The following GFPT2 variants were observed in gnomAD, a reference collection of about 807,000 sequenced individuals.
GFPT2 encodes the protein glutamine--fructose-6-phosphate aminotransferase [isomerizing] 2.
A neutral mutation model predicts 85.6 loss-of-function variants in GFPT2; 62 were observed. That is an observed-to-expected ratio of 0.72 (90% CI 0.59 to 0.90). The LOEUF (loss-of-function observed/expected upper bound fraction) is 0.90. Ranked by LOEUF, GFPT2 falls within the 40% of genes least tolerant of loss-of-function variation. The pLI is 0.00. For synonymous variants in GFPT2, 368 were observed against 344.5 expected, an observed-to-expected ratio of 1.07 and a Z score of -0.75; for missense variants, 788 against 893.4, an observed-to-expected ratio of 0.88 and a Z score of 1.50.
intron 2 of GFPT2, 51 bp from the exon 3 acceptor site, chr5:180,336,628 C>A (rs776830315): frequency 8.2e-7 from 1 of 1,214,158 alleles, no homozygotes; most frequent in Non-Finnish European, 1.2e-6. Flanking sequence ...TTTTCTCACA[C>A]ACTTGGCACA....
At chr5:180,337,131 T>C (rs1764418015) in intron 2 of GFPT2, among the ~76,000 whole-genome samples, 2 of 152,208 alleles carry the variant, frequency 1.3e-5, no homozygotes, top group Non-Finnish European at 2.9e-5. Flanking sequence ...AGCGGAGCAT[T>C]GTGTAGCCAC....
intron 1 of GFPT2, among the ~76,000 whole-genome samples, chr5:180,346,275 C>A (rs746201704): frequency 6.6e-6 from 1 of 152,138 alleles, no homozygotes; most frequent in Non-Finnish European, 1.5e-5. Flanking sequence ...CCACTTCTAC[C>A]CCCACCTCCC....
At chr5:180,343,272 G>A (rs1291577846) in intron 1 of GFPT2, among the ~76,000 whole-genome samples, 2 of 152,160 alleles carry the variant, frequency 1.3e-5, no homozygotes. Context: ...CTTCACTCCT[G>A]CACACGTCAG....
chr5:180,336,701 G>A, intron 2 of GFPT2, 124 bp from the exon 3 acceptor site: 1 of 727,696 alleles, frequency 1.4e-6, no homozygotes, highest in South Asian at 1.5e-5. Context: ...TTGGAGAGCT[G>A]TACAGTTTTC....
At position 180,330,224 on chromosome 5, in the gene GFPT2, A is replaced by C. The variant is rs1764278207; in HGVS notation, c.534+476T>G. Among the ~76,000 whole-genome samples, 1 of 152,182 alleles carries C rather than the reference A, an allele frequency of 6.6e-6. No individual in the cohort carries two copies. On this transcript the variant is annotated intron_variant, in intron 6 of 18. Coordinates refer to ENST00000253778, the MANE Select transcript of GFPT2 (RefSeq NM_005110.4). This position sits in a 1 kb window ranked among gnomAD's most constrained non-coding sequence, Gnocchi z 4.4. ...TAGTCTCAGCTAACTCAGGAGGCTG[A>C]GGCAGGAGGACTGCCTGAACCTGGG...
intron 1 of GFPT2, chr5:180,352,666 C>T (rs1197900764): frequency 2.3e-6 from 1 of 438,704 alleles, no homozygotes; most frequent in East Asian, 8.5e-5. Flanking sequence ...TTTGGGGTCG[C>T]GAGGAGGACG....
At chr5:180,338,725 T>C (rs918333624) in intron 1 of GFPT2, 125 bp from the exon 2 acceptor site, 17 of 606,782 alleles carry the variant, frequency 2.8e-5, no homozygotes, top group Non-Finnish European at 3.0e-5. Context: ...GAGGTGGGTA[T>C]GCCCCTCCCT....
At chr5:180,315,984 G>A (rs2127649707) in intron 13 of GFPT2, among the ~76,000 whole-genome samples, 1 of 152,368 alleles carries the variant, frequency 6.6e-6, no homozygotes, top group African/African-American at 2.4e-5. Flanking sequence ...AATGTTAAAG[G>A]AGATGCTTTT....
rs576607216 is a variant in GFPT2, at chr5:180,352,896, T to C, written c.7+315A>G. On this transcript the variant is annotated intron_variant, in intron 1 of 18. Transcript: ENST00000253778. ...GGTCGGCATGGGGTGGGGACCCCTC[T>C]GTTACGGGGTCCAGGCCGGACCGGA... is the stretch of plus-strand genomic sequence containing the variant. The C allele has an allele frequency of 6.6e-6, 3 of 451,692 alleles. No homozygotes were observed. The Admixed American group carries it at 1.4e-4, about 21-fold the overall frequency. The allele number at this position is 451,692 out of a possible 1,614,324, so 28.0% of individuals were successfully genotyped here. A position where few individuals can be genotyped will look rare whatever the true frequency, so the allele number is the denominator to read the frequency against.
chr5:180,329,925 T>G (rs1453038022), intron 6 of GFPT2, among the ~76,000 whole-genome samples: 5 of 152,234 alleles, frequency 3.3e-5, no homozygotes, highest in Admixed American at 6.5e-5. Context: ...CAGGGACTTC[T>G]TCTCCCTGGG....
intron 1 of GFPT2, among the ~76,000 whole-genome samples, chr5:180,340,283 G>A (rs1764486723): frequency 2.0e-5 from 3 of 149,874 alleles, no homozygotes; most frequent in Admixed American, 2.0e-4. Flanking sequence ...CTTGGCTCAT[G>A]GCAACCTCCG....
intron 4 of GFPT2, among the ~76,000 whole-genome samples, chr5:180,333,852 T>C (rs1281876457): frequency 1.3e-5 from 2 of 152,176 alleles, no homozygotes; most frequent in African/African-American, 4.8e-5. Flanking sequence ...CCTCCCTGCT[T>C]TGGGGACACA....
In GFPT2 at chr5:180,302,951, C is replaced by T. The variant is rs150956551; in HGVS notation, c.1843-367G>A. The stretch of plus-strand genomic sequence containing the variant: ...CAAGAAATAAAGATGAATTCCAGGC[C>T]GGGCGTGGTGGCTCACGCCTGTAAT... On this transcript the variant is annotated intron_variant, in intron 17 of 18. Transcript: ENST00000253778. 5.1e-3 allele frequency among the ~76,000 whole-genome samples: 773 copies of T among 152,222 alleles called. 3 individuals carry two copies. The highest frequency in any genetic ancestry group is 0.018 in the African/African-American group (730 of 41,534).
chr5:180,307,207 T>G lies in GFPT2; in HGVS notation c.1643A>C (p.Tyr548Ser). 2.5e-6 allele frequency: 4 copies of G among 1,604,220 alleles called. No individual in the cohort carries two copies. The highest frequency in any genetic ancestry group is 3.4e-6 in the Non-Finnish European group (4 of 1,175,912). ...QRSLLVMGRG[Y>S]NYATCLEGAL... ...TCCTTCCAGGCAGGTGGCATAGTTG[T>G]AGCCCCGCCCCATCACCAGCAGCGA... The change falls in exon 16 of 19, where the codon TAC becomes TCC. Residue 548 changes from tyrosine to serine, a missense_variant. Tyr to Ser is a moderately radical substitution (Grantham distance 144). Coordinates refer to ENST00000253778, the MANE Select transcript of GFPT2 (RefSeq NM_005110.4).
At chr5:180,315,788 G>A (rs1216468065) in intron 13 of GFPT2, among the ~76,000 whole-genome samples, 3 of 152,232 alleles carry the variant, frequency 2.0e-5, no homozygotes, top group East Asian at 1.9e-4. Flanking sequence ...CAAGCCCAGT[G>A]TTGGGATGGC....
At chr5:180,312,772 T>C (rs1332843343) in intron 14 of GFPT2, among the ~76,000 whole-genome samples, 2 of 151,720 alleles carry the variant, frequency 1.3e-5, no homozygotes, top group African/African-American at 4.8e-5. Context: ...ATTTATCTAT[T>C]TATTTATTTC....
intron 8 of GFPT2, 45 bp downstream of exon 8, chr5:180,324,771 C>T (rs376223311): frequency 4.0e-5 from 51 of 1,268,840 alleles, no homozygotes; most frequent in Non-Finnish European, 5.3e-5. Context: ...CCGAGTCCTG[C>T]GACACCAGCA....
chr5:180,334,600 C>T (rs1764363166), intron 4 of GFPT2, among the ~76,000 whole-genome samples: 2 of 152,252 alleles, frequency 1.3e-5, no homozygotes, highest in Admixed American at 1.3e-4. Flanking sequence ...TAACATTAGG[C>T]TTGGCACGAA....
At chr5:180,343,210 A>T (rs1301106627) in intron 1 of GFPT2, among the ~76,000 whole-genome samples, 4 of 152,150 alleles carry the variant, frequency 2.6e-5, no homozygotes, top group Non-Finnish European at 5.9e-5. Context: ...CCGAGTGCAT[A>T]ATGAGTCAGC....
Sources: allele counts gnomAD v4.1 joint callset (sites outside exome capture counted in the v4.1 genomes callset), GRCh38; gene constraint gnomAD v4.1.1; non-coding constraint Gnocchi (gnomAD v3.1); transcripts MANE v1.5; gene names NCBI Gene and HGNC (gene_info 2026-07-23, HGNC 2026-07-21).